MCPH1: variants seen among roughly 807,000 people sequenced by gnomAD.
MCPH1 encodes microcephalin.
MCPH1 carries 104 observed loss-of-function variants against 84.5 expected under a neutral mutation model. The observed-to-expected ratio is 1.23, with a 90% CI of 1.05 to 1.45. MCPH1 has a LOEUF of 1.45. Ranked by LOEUF, MCPH1 falls within the 40% of genes most tolerant of loss-of-function variation. The pLI, the probability that MCPH1 is intolerant of heterozygous loss-of-function variation, is 0.00. For synonymous variants in MCPH1, 514 were observed against 366.8 expected (o/e 1.40, Z -4.58); for missense variants, 1,498 against 1,005.7 (o/e 1.49, Z -6.62).
rs71213313 is a variant in MCPH1 at position 6,527,899 on chromosome 8, A to ATTTTTTTTTT, written c.2214+27975_2214+27984dup. Among the ~76,000 whole-genome samples the ATTTTTTTTTT allele has an allele frequency of 1.6e-3, 213 of 133,124 alleles. 15 individuals carry two copies. Among genetic ancestry groups the ATTTTTTTTTT allele is most frequent in the South Asian group, 4.0e-3 (16 of 4,040 alleles). The allele number at this position is 133,124 out of a possible 152,430, so 87.3% of individuals were successfully genotyped here. Reference sequence around the variant, plus strand: ...TTTTTACTCTTTTCCCCACGTCTCTATTTTTTTTTTTTTTGAGATGGAATC... The same window carrying ATTTTTTTTTT: ...TTTTTACTCTTTTCCCCACGTCTCTATTTTTTTTTTTTTTTTTTTTTTTTGAGATGGAATC... On this transcript the variant is annotated intron_variant, in intron 12 of 13. Transcript: ENST00000344683.
At chr8:6,519,829 G>T in intron 12 of MCPH1, 1 of 1,609,844 alleles carries the variant, frequency 6.2e-7, no homozygotes, top group Non-Finnish European at 8.5e-7. Flanking sequence ...CCTGCCTAGA[G>T]CCAGGGAGTT....
At chr8:6,468,007 C>T (rs1262498526) in intron 9 of MCPH1, among the ~76,000 whole-genome samples, 1 of 152,174 alleles carries the variant, frequency 6.6e-6, no homozygotes, top group East Asian at 1.9e-4. Context: ...TCCCCAAGTT[C>T]AGCCCATTTG....
At chr8:6,550,326 G>C (rs1468901434) in intron 12 of MCPH1, among the ~76,000 whole-genome samples, 4 of 152,164 alleles carry the variant, frequency 2.6e-5, no homozygotes, top group African/African-American at 9.7e-5. Flanking sequence ...TGTGGGTCCT[G>C]GGAGTGAGGC....
chr8:6,544,702 T>C (rs1480610412), intron 12 of MCPH1, among the ~76,000 whole-genome samples: 1 of 152,138 alleles, frequency 6.6e-6, no homozygotes, highest in Non-Finnish European at 1.5e-5. Flanking sequence ...TTACAGAAAA[T>C]GGCACTCTAA....
chr8:6,431,480 C>A lies in MCPH1; in HGVS notation c.234-19C>A. 4 of 1,593,016 alleles carry A rather than the reference C, an allele frequency of 2.5e-6. No individual in the cohort carries two copies. The highest frequency in any genetic ancestry group is 1.7e-4 in the Middle Eastern group (1 of 5,954). Reference sequence around the variant, plus strand: ...ATAGAAGCAAATACTCATTAGACTACCTTAATTTAATTATACAGATGCAGG... The same window carrying A: ...ATAGAAGCAAATACTCATTAGACTAACTTAATTTAATTATACAGATGCAGG... On this transcript the variant is annotated intron_variant, in intron 3 of 13. Transcript: ENST00000344683.
rs1198192706 is a variant in MCPH1, at chr8:6,444,430, T to G, written c.708T>G (p.Asp236Glu). 6.2e-7 allele frequency: 1 copy of G among 1,614,080 alleles called. No homozygotes were observed. The highest frequency in any genetic ancestry group is 8.5e-7 in the Non-Finnish European group (1 of 1,180,026). ...CTGGTGGCTTACACTCATCTTTTGA[T>G]GATCTTTGTGGAAACTCAGGATGTG... ...YFAGGLHSSF[D>E]DLCGNSGCGN... Residue 236 changes from aspartate to glutamate, a missense_variant, in exon 8 of 14, where the codon GAT becomes GAG. By Grantham distance (45) the Asp-to-Glu change is conservative (BLOSUM62 2). Transcript: ENST00000344683.
intron 4 of MCPH1, among the ~76,000 whole-genome samples, chr8:6,431,930 A>G (rs1378023199): frequency 6.6e-6 from 1 of 152,240 alleles, no homozygotes; most frequent in Non-Finnish European, 1.5e-5. Flanking sequence ...TTAGCCAGAT[A>G]AATCTCAAAA....
intron 6 of MCPH1, among the ~76,000 whole-genome samples, chr8:6,441,293 C>T (rs527568435): frequency 2.0e-5 from 3 of 152,182 alleles, no homozygotes; most frequent in Non-Finnish European, 4.4e-5. Flanking sequence ...TTTACTTTTT[C>T]TATTACTTGG....
chr8:6,511,898 T>G (rs894856535), intron 12 of MCPH1, among the ~76,000 whole-genome samples: 5 of 120,254 alleles, frequency 4.2e-5, no homozygotes, highest in South Asian at 2.6e-4. Flanking sequence ...TTTTTGTGCT[T>G]CTTTTTTTTT....
At chr8:6,609,820 C>CG (rs780623659) in intron 12 of MCPH1, among the ~76,000 whole-genome samples, 4 of 22,118 alleles carry the variant, frequency 1.8e-4, no homozygotes, top group African/African-American at 3.7e-4. Context: ...ATGCCCCCCG[C>CG]CCCCCCCCCA....
intron 13 of MCPH1, among the ~76,000 whole-genome samples, chr8:6,638,733 T>C (rs1035752227): frequency 3.9e-5 from 6 of 152,216 alleles, no homozygotes; most frequent in African/African-American, 1.4e-4. Context: ...TTGAGGATTA[T>C]TCCTATGAAG....
At chr8:6,562,305 T>C (rs1175170591) in intron 12 of MCPH1, among the ~76,000 whole-genome samples, 1 of 152,098 alleles carries the variant, frequency 6.6e-6, no homozygotes, top group East Asian at 1.9e-4. Flanking sequence ...TGATGGGTGT[T>C]ACTGAGCTTA....
In MCPH1 at chr8:6,645,769, C is replaced by G. The variant is rs1798190401; in HGVS notation, c.*2720C>G. On this transcript the variant is annotated 3_prime_UTR_variant, in exon 14 of 14. Transcript: ENST00000344683. ...TCAAAATGAAATTAAGACCACGATT[C>G]CATTTAAAATTGCATCTAAAAATAA... 6.6e-6 allele frequency: 1 copy of G among 152,134 alleles called. No individual in the cohort carries two copies. The highest frequency in any genetic ancestry group is 6.5e-5 in the Admixed American group (1 of 15,280). 9.4% of individuals were successfully genotyped at this position (152,134 alleles called of 1,614,324 possible).
At chr8:6,470,386 C>A (rs1262833786) in intron 9 of MCPH1, among the ~76,000 whole-genome samples, 2 of 152,086 alleles carry the variant, frequency 1.3e-5, no homozygotes, top group African/African-American at 2.4e-5. Context: ...CGGGTTCAAG[C>A]GATTCTCCTA....
At chr8:6,519,486 C>G (rs1168775706) in intron 12 of MCPH1, among the ~76,000 whole-genome samples, 1 of 152,224 alleles carries the variant, frequency 6.6e-6, no homozygotes, top group African/African-American at 2.4e-5. Flanking sequence ...CATGACACCT[C>G]TATGGCTGAT....
At chr8:6,570,129 GC>G (rs1220493040) in intron 12 of MCPH1, among the ~76,000 whole-genome samples, 1 of 152,186 alleles carries the variant, frequency 6.6e-6, no homozygotes. Flanking sequence ...TAACTTTTCT[GC>G]TTTGTCTGGT....
At chr8:6,624,560 G>A (rs1554485209) in intron 13 of MCPH1, among the ~76,000 whole-genome samples, 1 of 152,204 alleles carries the variant, frequency 6.6e-6, no homozygotes, top group Non-Finnish European at 1.5e-5. Context: ...TTTGTGAAGT[G>A]AATTCCAATC....
At chr8:6,549,933 G>A (rs1823317602) in intron 12 of MCPH1, among the ~76,000 whole-genome samples, 1 of 152,174 alleles carries the variant, frequency 6.6e-6, no homozygotes, top group South Asian at 2.1e-4. Flanking sequence ...AGCAGGGCTC[G>A]AGTCTGAGCT....
intron 13 of MCPH1, among the ~76,000 whole-genome samples, chr8:6,640,095 T>TGTGTGTGTGC (rs1554491968): frequency 7.2e-6 from 1 of 138,564 alleles, no homozygotes; most frequent in Non-Finnish European, 1.5e-5. Flanking sequence ...TGTGTGTGTG[T>TGTGTGTGTGC]GTGCGCGCGC....
Sources: allele counts gnomAD v4.1 joint callset (sites outside exome capture counted in the v4.1 genomes callset), GRCh38; gene constraint gnomAD v4.1.1; transcripts MANE v1.5; gene names NCBI Gene and HGNC (gene_info 2026-07-23, HGNC 2026-07-21).